Variants in GALNT18 observed in about 807,000 individuals in gnomAD.
GALNT18 encodes the protein polypeptide N-acetylgalactosaminyltransferase 18.
GALNT18 carries 44 observed loss-of-function variants against 69.5 expected under a neutral mutation model. The ratio of observed to expected loss-of-function variants is 0.63; its 90% confidence interval spans 0.50 to 0.81. GALNT18 has a LOEUF of 0.81. GALNT18 is among the 40% of genes least tolerant of loss of function. The pLI, the probability that GALNT18 is intolerant of heterozygous loss-of-function variation, is 0.00. For missense variants in GALNT18, 715 were observed against 810.0 expected (o/e 0.88, Z 1.42); for synonymous variants, 364 against 318.2 (o/e 1.14, Z -1.53).
chr11:11,549,083 T>C (rs1858130989), intron 1 of GALNT18, among the ~76,000 whole-genome samples: 1 of 152,196 alleles, frequency 6.6e-6, no homozygotes, highest in Admixed American at 6.5e-5. Flanking sequence ...ATATGTAACT[T>C]CTCAGAACTG....
intron 1 of GALNT18, among the ~76,000 whole-genome samples, chr11:11,498,833 T>G (rs1202255021): frequency 6.6e-6 from 1 of 152,128 alleles, no homozygotes; most frequent in Non-Finnish European, 1.5e-5. Flanking sequence ...GGAAGTGGGT[T>G]AAGAGAGATT....
intron 6 of GALNT18, among the ~76,000 whole-genome samples, chr11:11,355,419 G>C (rs1181255946): frequency 1.3e-5 from 2 of 152,112 alleles, no homozygotes; most frequent in Non-Finnish European, 2.9e-5. Flanking sequence ...GATTAAACAT[G>C]CACAAAAAAT....
intron 10 of GALNT18, among the ~76,000 whole-genome samples, chr11:11,278,844 AAGT>A (rs1032536035): frequency 8.5e-5 from 13 of 152,236 alleles, no homozygotes; most frequent in African/African-American, 3.1e-4. Flanking sequence ...AAATAACTAA[AAGT>A]AGAATTGGAA....
chr11:11,466,084 G>A (rs911851819), intron 1 of GALNT18, among the ~76,000 whole-genome samples: 3 of 150,212 alleles, frequency 2.0e-5, no homozygotes, highest in South Asian at 2.1e-4. Context: ...TAAGGGAAAC[G>A]AGGTTACAAA....
intron 1 of GALNT18, among the ~76,000 whole-genome samples, chr11:11,512,693 T>C (rs950883679): frequency 6.6e-6 from 1 of 152,214 alleles, no homozygotes; most frequent in African/African-American, 2.4e-5. Context: ...GCACAGGGAC[T>C]GTGTTTAGAA....
At position 11,538,514 on chromosome 11, in the gene GALNT18, C is replaced by T. The variant is rs1857835855; in HGVS notation, c.235+82845G>A. ...CAGCATACCACAAGCACCCTGTGGC[C>T]TCAGCAACTAGTGTGAACTTTTCCC... On this transcript the variant is annotated intron_variant, in intron 1 of 10. Coordinates refer to ENST00000227756, the MANE Select transcript of GALNT18 (RefSeq NM_198516.3). The surrounding 1 kb of genome is among the most constrained non-coding windows in gnomAD (Gnocchi z 5.2). 6.6e-6 allele frequency among the ~76,000 whole-genome samples: 1 copy of T among 152,212 alleles called. No individual in the cohort carries two copies. Among genetic ancestry groups the T allele is most frequent in the African/African-American group, 2.4e-5 (1 of 41,458 alleles).
At chr11:11,522,624 C>G (rs1186369969) in intron 1 of GALNT18, among the ~76,000 whole-genome samples, 1 of 152,168 alleles carries the variant, frequency 6.6e-6, no homozygotes, top group Non-Finnish European at 1.5e-5. Context: ...CAGAAGAGCT[C>G]AAAGCCTGCT....
intron 1 of GALNT18, among the ~76,000 whole-genome samples, chr11:11,588,266 A>G (rs552261393): frequency 1.3e-5 from 2 of 152,110 alleles, no homozygotes; most frequent in African/African-American, 4.8e-5. Flanking sequence ...CCACTCCCCT[A>G]TTGGACTGTG....
chr11:11,561,739 C>T (rs1858512544), intron 1 of GALNT18, among the ~76,000 whole-genome samples: 1 of 152,188 alleles, frequency 6.6e-6, no homozygotes, highest in African/African-American at 2.4e-5. Context: ...GGTCCTGCTT[C>T]CAGAAATCCT....
rs773195028 is a variant in GALNT18 at position 11,372,593 on chromosome 11, C to T, written c.1014G>A (p.Arg338=). Residue 338 remains arginine (R), a synonymous_variant, in exon 6 of 11, where the codon CGG becomes CGA. Coordinates refer to ENST00000227756, the MANE Select transcript of GALNT18 (RefSeq NM_198516.3). The surrounding 1 kb of genome is among the most constrained non-coding windows in gnomAD (Gnocchi z 4.9). ...PALIGCFIVD[R]QYFQEIGLLD... is the part of the protein sequence containing the mutation. ...GCAGGCCGATCTCCTGGAAGTACTG[C>T]CGGTCCACAATGAAGCAGCCAATGA... 3 of 1,614,186 alleles carry T rather than the reference C, an allele frequency of 1.9e-6. No individual in the cohort carries two copies. Among genetic ancestry groups the T allele is most frequent in the Middle Eastern group, 1.7e-4 (1 of 6,050 alleles).
At position 11,605,788 on chromosome 11, in the gene GALNT18, G is replaced by A. The variant is rs1336899217; in HGVS notation, c.235+15571C>T. 1.3e-5 allele frequency among the ~76,000 whole-genome samples: 2 copies of A among 152,102 alleles called. No homozygotes were observed. The highest frequency in any genetic ancestry group is 2.9e-5 in the Non-Finnish European group (2 of 68,010). On this transcript the variant is annotated intron_variant, in intron 1 of 10. Coordinates refer to ENST00000227756, the MANE Select transcript of GALNT18 (RefSeq NM_198516.3). This position sits in a 1 kb window ranked among gnomAD's most constrained non-coding sequence, Gnocchi z 4.7. ...CACTAGATTGTTTTAGTTTGAAAGT[G>A]ACCACAAGTGACAGCTTTATTAAAA...
chr11:11,520,479 G>GA (rs1457674669), intron 1 of GALNT18, among the ~76,000 whole-genome samples: 2 of 152,198 alleles, frequency 1.3e-5, no homozygotes, highest in African/African-American at 4.8e-5. Context: ...AGACATCTCT[G>GA]AAAAGATGTT....
In GALNT18 at chr11:11,370,457, A is replaced by G. The variant is rs553908628; in HGVS notation, c.1092+2058T>C. Among the ~76,000 whole-genome samples the G allele has an allele frequency of 3.9e-5, 6 of 152,336 alleles. No homozygotes were observed. The East Asian group carries it at 9.6e-4, about 24-fold the overall frequency. On this transcript the variant is annotated intron_variant, in intron 6 of 10. Coordinates refer to ENST00000227756, the MANE Select transcript of GALNT18 (RefSeq NM_198516.3). ...CCCTTAAAGGGGGAACTGAAATTCA[A>G]ATGAACTCATCCCTCCCATTTGTAC...
chr11:11,292,927 T>TCCTTCC (rs1445509802), intron 10 of GALNT18, 102 bp downstream of exon 10: 71 of 1,109,118 alleles, frequency 6.4e-5, no homozygotes, highest in Admixed American at 1.3e-4. Flanking sequence ...AGTCTGTCTC[T>TCCTTCC]CCTTCCCCTT....
intron 1 of GALNT18, among the ~76,000 whole-genome samples, chr11:11,537,363 G>C (rs1239292936): frequency 6.4e-5 from 2 of 31,332 alleles, no homozygotes; most frequent in Non-Finnish European, 1.2e-4. Context: ...ACACAAGTCA[G>C]GGAAAAAAAA....
intron 3 of GALNT18, among the ~76,000 whole-genome samples, chr11:11,392,860 C>A (rs796375648): frequency 1.3e-5 from 2 of 152,288 alleles, no homozygotes; most frequent in African/African-American, 4.8e-5. Context: ...GGAGGCTCAG[C>A]AATGCTAAGA....
rs1228099824 is a variant in GALNT18, at chr11:11,584,687, A to G, written c.235+36672T>C. ...ATCTTATAAGCACACATACACATAA[A>G]GCACTTCTGCTGCAGACTGAAGTAT... On this transcript the variant is annotated intron_variant, in intron 1 of 10. Coordinates refer to ENST00000227756, the MANE Select transcript of GALNT18 (RefSeq NM_198516.3). This position sits in a 1 kb window ranked among gnomAD's most constrained non-coding sequence, Gnocchi z 4.1. Among the ~76,000 whole-genome samples, 1 of 152,198 alleles carries G rather than the reference A, an allele frequency of 6.6e-6. No individual in the cohort carries two copies. The highest frequency in any genetic ancestry group is 1.5e-5 in the Non-Finnish European group (1 of 68,030).
chr11:11,524,074 T>C (rs1423437514), intron 1 of GALNT18, among the ~76,000 whole-genome samples: 1 of 152,108 alleles, frequency 6.6e-6, no homozygotes, highest in African/African-American at 2.4e-5. Flanking sequence ...TTGTGACTGA[T>C]GTAGCCCAAG....
At chr11:11,295,751 T>C (rs376314361) in intron 9 of GALNT18, among the ~76,000 whole-genome samples, 49 of 152,238 alleles carry the variant, frequency 3.2e-4, no homozygotes, top group African/African-American at 1.1e-3. Flanking sequence ...TCCATGGTAA[T>C]TGATATCAAA....
Sources: gnomAD v4.1 joint callset for allele counts (sites outside exome capture counted in the v4.1 genomes callset) on GRCh38, gnomAD v4.1.1 for gene constraint, Gnocchi (gnomAD v3.1) non-coding constraint, MANE v1.5 for transcripts, NCBI Gene and HGNC (gene_info 2026-07-23, HGNC 2026-07-21) for gene names.